The following RCL1 variants were observed in gnomAD, a reference collection of about 807,000 sequenced individuals.
RCL1 encodes the protein RNA terminal phosphate cyclase like 1.
Under a neutral mutation model 42.4 loss-of-function variants are expected in RCL1, and 24 were observed. The ratio of observed to expected loss-of-function variants is 0.57; its 90% CI spans 0.41 to 0.80. The LOEUF is 0.80. RCL1 is among the 30% of genes least tolerant of loss of function. The pLI is 0.00. For synonymous variants in RCL1, 228 were observed against 177.3 expected (o/e 1.29, Z -2.27); for missense variants, 578 against 467.9 (o/e 1.24, Z -2.17).
chr9:4,835,893 T>C (rs1441184293), intron 5 of RCL1, among the ~76,000 whole-genome samples: 1 of 152,156 alleles, frequency 6.6e-6, no homozygotes, highest in Non-Finnish European at 1.5e-5. Flanking sequence ...ACTATTCTTT[T>C]TATTCTTACT....
At chr9:4,819,939 A>G (rs908239256) in intron 1 of RCL1, among the ~76,000 whole-genome samples, 2 of 152,208 alleles carry the variant, frequency 1.3e-5, no homozygotes, top group African/African-American at 4.8e-5. Context: ...GTAGTGCATA[A>G]GAGATCGTAA....
intron 4 of RCL1, 62 bp from the exon 5 acceptor site, chr9:4,834,079 G>T (rs150833689): frequency 6.4e-7 from 1 of 1,562,706 alleles, no homozygotes; most frequent in Non-Finnish European, 8.7e-7. Context: ...TCCTGGGCAG[G>T]GTGTCAGGGT....
intron 1 of RCL1, among the ~76,000 whole-genome samples, chr9:4,821,904 C>T (rs943190433): frequency 6.6e-6 from 1 of 152,186 alleles, no homozygotes; most frequent in Non-Finnish European, 1.5e-5. Flanking sequence ...GTGGTCCCAT[C>T]TCTTAATATA....
chr9:4,793,727 C>G (rs558312223), intron 1 of RCL1, among the ~76,000 whole-genome samples: 8 of 152,260 alleles, frequency 5.3e-5, no homozygotes, highest in African/African-American at 1.9e-4. Context: ...GCCATGATTT[C>G]TCGGCTGCCC....
chr9:4,829,723 G>T (rs1185193709), intron 3 of RCL1, among the ~76,000 whole-genome samples: 1 of 152,180 alleles, frequency 6.6e-6, no homozygotes, highest in African/African-American at 2.4e-5. Flanking sequence ...GGTGGTGGTT[G>T]TTGGTAGTGG....
At chr9:4,825,367 T>C (rs1816724791) in intron 2 of RCL1, among the ~76,000 whole-genome samples, 1 of 152,166 alleles carries the variant, frequency 6.6e-6, no homozygotes, top group African/African-American at 2.4e-5. Flanking sequence ...TTTGAAGCAT[T>C]TAGTGAATAT....
intron 5 of RCL1, chr9:4,839,665 A>T (rs1002134968): frequency 1.0e-6 from 1 of 985,240 alleles, no homozygotes; most frequent in African/African-American, 1.7e-5. Flanking sequence ...TGTATTGAAA[A>T]ATCCCTCTTT....
At chr9:4,844,086 T>C (rs1817427076) in intron 6 of RCL1, among the ~76,000 whole-genome samples, 1 of 152,172 alleles carries the variant, frequency 6.6e-6, no homozygotes, top group Admixed American at 6.5e-5. Context: ...ATATAGTGCA[T>C]TCGAAACATT....
chr9:4,799,055 C>T (rs1842957877), intron 1 of RCL1, among the ~76,000 whole-genome samples: 1 of 112,342 alleles, frequency 8.9e-6, no homozygotes, highest in African/African-American at 3.4e-5. Context: ...CTCTCTCCCT[C>T]CCCCATCCCT....
intron 7 of RCL1, among the ~76,000 whole-genome samples, chr9:4,848,484 C>G (rs1269784789): frequency 6.6e-6 from 1 of 152,190 alleles, no homozygotes; most frequent in African/African-American, 2.4e-5. Flanking sequence ...ATGAACCACA[C>G]TGCTGGCCAC....
At chr9:4,831,602 A>AAGT (rs1816945532) in intron 3 of RCL1, among the ~76,000 whole-genome samples, 1 of 151,966 alleles carries the variant, frequency 6.6e-6, no homozygotes, top group Admixed American at 6.6e-5. Context: ...TCAGCCTCTC[A>AAGT]AGTAGCTAGG....
chr9:4,814,008 G>A (rs1158006764), intron 1 of RCL1, among the ~76,000 whole-genome samples: 3 of 152,124 alleles, frequency 2.0e-5, no homozygotes, highest in Non-Finnish European at 4.4e-5. Context: ...TGGACACAGA[G>A]TGGGGAACTT....
At chr9:4,805,300 G>A (rs1415367684) in intron 1 of RCL1, among the ~76,000 whole-genome samples, 1 of 152,082 alleles carries the variant, frequency 6.6e-6, no homozygotes, top group East Asian at 1.9e-4. Context: ...GAGGCAGGAG[G>A]ATCACTTGAG....
intron 1 of RCL1, among the ~76,000 whole-genome samples, chr9:4,819,788 A>G (rs1816526990): frequency 1.3e-5 from 2 of 152,350 alleles, no homozygotes; most frequent in South Asian, 4.1e-4. Context: ...GCCTGGTGAC[A>G]GAGCGAGACT....
intron 1 of RCL1, among the ~76,000 whole-genome samples, chr9:4,821,252 A>G (rs1320857459): frequency 6.6e-6 from 1 of 152,144 alleles, no homozygotes; most frequent in Admixed American, 6.5e-5. Flanking sequence ...GTGAGATCCT[A>G]TTTCTTAAAA....
chr9:4,826,340 C>T (rs1816761791), intron 2 of RCL1, among the ~76,000 whole-genome samples: 1 of 152,158 alleles, frequency 6.6e-6, no homozygotes. Flanking sequence ...TTAGGCATGT[C>T]CCTGTATCAA....
At chr9:4,816,645 T>G (rs1008424026) in intron 1 of RCL1, among the ~76,000 whole-genome samples, 2 of 152,190 alleles carry the variant, frequency 1.3e-5, no homozygotes, top group Admixed American at 1.3e-4. Flanking sequence ...GTAGTAATTT[T>G]AAAAATGTGT....
At chr9:4,803,282 G>A (rs562472622) in intron 1 of RCL1, among the ~76,000 whole-genome samples, 2 of 152,246 alleles carry the variant, frequency 1.3e-5, no homozygotes, top group African/African-American at 4.8e-5. Context: ...AGTGCTTTTA[G>A]AACCAAGACT....
chr9:4,842,442 T>C (rs1430865101), intron 6 of RCL1, among the ~76,000 whole-genome samples: 1 of 152,192 alleles, frequency 6.6e-6, no homozygotes, highest in Non-Finnish European at 1.5e-5. Context: ...TGGAGGCTCA[T>C]AGTCCAAAGC....
Sources: allele counts gnomAD v4.1 joint callset (sites outside exome capture counted in the v4.1 genomes callset), GRCh38; gene constraint gnomAD v4.1.1; transcripts MANE v1.5; gene names NCBI Gene and HGNC (gene_info 2026-07-23, HGNC 2026-07-21).